The following SHQ1 variants were observed in gnomAD, a reference collection of about 807,000 sequenced individuals.
SHQ1 encodes SHQ1, H/ACA ribonucleoprotein assembly factor, also known as protein SHQ1 homolog.
SHQ1 carries 49 observed loss-of-function variants against 53.8 expected under a neutral mutation model. The observed-to-expected ratio is 0.91, with a 90% CI of 0.72 to 1.16. The LOEUF (loss-of-function observed/expected upper bound fraction) is 1.16, where lower values mean the gene tolerates loss of function less well. Among genes scored for constraint, SHQ1 ranks in the 50% most tolerant of loss-of-function variants. The probability of loss-of-function intolerance (pLI) is 0.00; values close to 1 mark genes in which losing one functional copy is unlikely to be tolerated. For missense variants in SHQ1, 738 were observed against 683.1 expected (o/e 1.08, Z -0.90); for synonymous variants, 243 against 251.0 (o/e 0.97, Z 0.30).
intron 4 of SHQ1, among the ~76,000 whole-genome samples, 153 bp from the exon 5 acceptor site, chr3:72,832,634 T>C (rs1242578211): frequency 1.3e-5 from 2 of 152,218 alleles, no homozygotes; most frequent in South Asian, 2.1e-4. Context: ...ATCCAACAAA[T>C]GTTTAAGCAC....
At chr3:72,847,441 C>T (rs1272689355) in intron 1 of SHQ1, among the ~76,000 whole-genome samples, 1 of 127,250 alleles carries the variant, frequency 7.9e-6, no homozygotes, top group African/African-American at 3.3e-5. Flanking sequence ...AGTGCTTATC[C>T]CTAAGGATCA....
chr3:72,784,775 T>C lies in SHQ1; in HGVS notation c.1181+8141A>G, dbSNP rs532839479. Among the ~76,000 whole-genome samples the C allele has an allele frequency of 9.8e-5, 15 of 152,328 alleles. No individual in the cohort carries two copies. In the South Asian group the frequency reaches 3.1e-3, roughly 32 times the overall value. Reference sequence around the variant, plus strand: ...TAGAGTGTCTGATTATCGCTCTGCGTGCCTGAATTTAACAGATCCCCAAAA... The same window carrying C: ...TAGAGTGTCTGATTATCGCTCTGCGCGCCTGAATTTAACAGATCCCCAAAA... On this transcript the variant is annotated intron_variant, in intron 10 of 10. Transcript: ENST00000325599.
Position 72,753,947 on chromosome 3 carries a change from G to A in SHQ1, c.1182-3111C>T, listed in dbSNP as rs116377132. 4.9e-3 allele frequency among the ~76,000 whole-genome samples: 747 copies of A among 152,298 alleles called. 7 individuals are homozygous for A. Among genetic ancestry groups the A allele is most frequent in the African/African-American group, 0.016 (659 of 41,564 alleles). On this transcript the variant is annotated intron_variant, in intron 10 of 10. Transcript: ENST00000325599. ...GTACACCACTCTGTTTCTCCATGAA[G>A]GGGAGTTCTCTCTGGGTAGTGACAC...
intron 3 of SHQ1, 148 bp from the exon 4 acceptor site, chr3:72,841,347 G>T: frequency 1.9e-6 from 1 of 520,538 alleles, no homozygotes; most frequent in Non-Finnish European, 3.1e-6. Flanking sequence ...CGCTATTCGT[G>T]ACAGCAAAAA....
intron 6 of SHQ1, among the ~76,000 whole-genome samples, chr3:72,821,570 A>T: frequency 6.6e-6 from 1 of 152,180 alleles, no homozygotes; most frequent in Admixed American, 6.5e-5. Context: ...CTGGAATTCA[A>T]AGCAATCTAG....
intron 10 of SHQ1, among the ~76,000 whole-genome samples, chr3:72,771,474 C>T (rs1410758812): frequency 6.6e-6 from 1 of 152,188 alleles, no homozygotes; most frequent in Non-Finnish European, 1.5e-5. Flanking sequence ...TGAAGAATTT[C>T]AGCTAGTCAT....
the SHQ1 span, among the ~76,000 whole-genome samples, chr3:72,731,930 A>G: frequency 6.6e-6 from 1 of 151,356 alleles, no homozygotes; most frequent in Admixed American, 6.6e-5. Flanking sequence ...TCCTGTGAGC[A>G]CAGCCACCTC....
chr3:72,792,657 C>T lies in SHQ1; in HGVS notation c.1181+259G>A, dbSNP rs141185313. Among the ~76,000 whole-genome samples the T allele has an allele frequency of 3.6e-3, 555 of 152,088 alleles. 4 individuals carry two copies. Among genetic ancestry groups the T allele is most frequent in the African/African-American group, 0.013 (521 of 41,486 alleles). Reference sequence around the variant, plus strand: ...AAAATTAGCTAGGCGTGGTGGCACACGCCTGTAATCCCAGCTACTCGGGAG... The same window carrying T: ...AAAATTAGCTAGGCGTGGTGGCACATGCCTGTAATCCCAGCTACTCGGGAG... On this transcript the variant is annotated intron_variant, in intron 10 of 10. Transcript: ENST00000325599.
chr3:72,772,446 TTG>T, intron 10 of SHQ1: 1 of 419,052 alleles, frequency 2.4e-6, no homozygotes, highest in South Asian at 2.1e-5. Flanking sequence ...AAAGATGAGA[TTG>T]TCAGATGTTC....
In SHQ1 at chr3:72,749,745, G is replaced by A. The variant is rs1018452668; in HGVS notation, c.*539C>T. 4.6e-6 allele frequency: 1 copy of A among 218,306 alleles called. No individual in the cohort carries two copies. Among genetic ancestry groups the A allele is most frequent in the Non-Finnish European group, 9.2e-6 (1 of 108,836 alleles). The allele number at this position is 218,306 out of a possible 1,614,324, so 13.5% of individuals were successfully genotyped here. A position where few individuals can be genotyped will look rare whatever the true frequency, so the allele number is the denominator to read the frequency against. ...GCAGTAGAACTATTATTTTCAGCTT[G>A]AAATATTAGCTACACTTTGGTAAAA... On this transcript the variant is annotated 3_prime_UTR_variant, in exon 11 of 11. Coordinates refer to ENST00000325599, the MANE Select transcript of SHQ1 (RefSeq NM_018130.3).
At chr3:72,763,060 C>CTGAG (rs1253775565) in intron 10 of SHQ1, among the ~76,000 whole-genome samples, 1 of 77,454 alleles carries the variant, frequency 1.3e-5, no homozygotes, top group African/African-American at 4.6e-5. Context: ...CACACACACA[C>CTGAG]ACAGAGAGAG....
At chr3:72,727,815 C>A in the SHQ1 span, among the ~76,000 whole-genome samples, 2 of 152,088 alleles carry the variant, frequency 1.3e-5, no homozygotes, top group African/African-American at 4.8e-5. Flanking sequence ...GTGCTGTTGC[C>A]ATTCTGACCA....
rs61048915 is a variant in SHQ1 at position 72,825,361 on chromosome 3, T to TACACACACAC, written c.600-820_600-811dup. On this transcript the variant is annotated intron_variant, in intron 5 of 10. Coordinates refer to ENST00000325599, the MANE Select transcript of SHQ1 (RefSeq NM_018130.3). ...TCTCCACAAAGAGGCTAAAAGGGGC[T>TACACACACAC]ACACACACACACACACACACACACA... Among the ~76,000 whole-genome samples the TACACACACAC allele has an allele frequency of 4.8e-3, 686 of 141,960 alleles. 2 individuals carry two copies. Among genetic ancestry groups the TACACACACAC allele is most frequent in the African/African-American group, 0.014 (530 of 38,636 alleles). 93.1% of individuals were successfully genotyped at this position (141,960 alleles called of 152,430 possible).
At chr3:72,757,064 G>A (rs1705512023) in intron 10 of SHQ1, among the ~76,000 whole-genome samples, 3 of 152,152 alleles carry the variant, frequency 2.0e-5, no homozygotes, top group African/African-American at 7.2e-5. Context: ...CATACATCCT[G>A]TTTTTTTGCT....
intron 10 of SHQ1, chr3:72,753,273 A>G (rs1705428607): frequency 1.0e-6 from 1 of 985,318 alleles, no homozygotes; most frequent in African/African-American, 1.7e-5. Context: ...GATGACGGTG[A>G]GTTTACAAGA....
chr3:72,775,737 T>A (rs1200682536), intron 10 of SHQ1, among the ~76,000 whole-genome samples: 1 of 152,188 alleles, frequency 6.6e-6, no homozygotes, highest in Non-Finnish European at 1.5e-5. Flanking sequence ...AAGGCCGAAT[T>A]TGTTCGAAAT....
At chr3:72,816,279 C>T (rs1399062355) in intron 7 of SHQ1, among the ~76,000 whole-genome samples, 3 of 152,052 alleles carry the variant, frequency 2.0e-5, no homozygotes, top group African/African-American at 7.3e-5. Flanking sequence ...TATAGACACA[C>T]GCGCACACTG....
chr3:72,822,526 C>T (rs1473420534), intron 6 of SHQ1, among the ~76,000 whole-genome samples: 1 of 152,132 alleles, frequency 6.6e-6, no homozygotes, highest in African/African-American at 2.4e-5. Flanking sequence ...AAGGGAACGC[C>T]TTCTCTTGAT....
At chr3:72,751,325 C>A (rs1255574214) in intron 10 of SHQ1, among the ~76,000 whole-genome samples, 1 of 151,904 alleles carries the variant, frequency 6.6e-6, no homozygotes, top group South Asian at 2.1e-4. Flanking sequence ...GGGGCTGAGG[C>A]AGGAGAATCA....
Sources: allele counts gnomAD v4.1 joint callset (sites outside exome capture counted in the v4.1 genomes callset), GRCh38; gene constraint gnomAD v4.1.1; transcripts MANE v1.5; gene names NCBI Gene and HGNC (gene_info 2026-07-23, HGNC 2026-07-21).